Variants in PIK3CA observed in about 807,000 individuals in gnomAD.
PIK3CA encodes phosphatidylinositol-4,5-bisphosphate 3-kinase catalytic subunit alpha, also known as phosphatidylinositol 4,5-bisphosphate 3-kinase catalytic subunit alpha isoform.
A neutral mutation model predicts 138.2 loss-of-function variants in PIK3CA; 27 were observed. That is an observed-to-expected ratio of 0.20 (90% confidence interval 0.14 to 0.27). The LOEUF (loss-of-function observed/expected upper bound fraction) is 0.27, where lower values mean the gene tolerates loss of function less well. Ranked by LOEUF, PIK3CA falls within the 10% of genes least tolerant of loss-of-function variation. The pLI, the probability that PIK3CA is intolerant of heterozygous loss-of-function variation, is 1.00. For missense variants in PIK3CA, 544 were observed against 1,277.4 expected (o/e 0.43, Z 8.75); for synonymous variants, 358 against 413.2 (o/e 0.87, Z 1.62).
intron 4 of PIK3CA, among the ~76,000 whole-genome samples, chr3:179,203,281 G>A (rs980561807): frequency 4.6e-5 from 7 of 152,044 alleles, no homozygotes; most frequent in Admixed American, 3.3e-4. Context: ...TCCAGTTAAG[G>A]GTAGAACTAC....
Position 179,219,636 on chromosome 3 carries a change from T to C in PIK3CA, c.1812T>C (p.Cys604=). The C allele has an allele frequency of 6.2e-7, 1 of 1,605,878 alleles. No individual in the cohort carries two copies. The highest frequency in any genetic ancestry group is 8.5e-7 in the Non-Finnish European group (1 of 1,172,858). Residue 604 remains cysteine, a synonymous_variant, in exon 12 of 21, where the codon TGT becomes TGC. Coordinates refer to ENST00000263967, the MANE Select transcript of PIK3CA (RefSeq NM_006218.4). The surrounding 1 kb of genome is among the most constrained non-coding windows in gnomAD (Gnocchi z 4.2). ...KPEQAMELLD[C]NYPDPMVRGF... is the part of the protein sequence containing the mutation. ...AACAGGCTATGGAACTTCTGGACTG[T>C]AATTACCCAGATCCTATGGTTCGAG...
intron 9 of PIK3CA, among the ~76,000 whole-genome samples, 170 bp from the exon 10 acceptor site, chr3:179,218,040 T>A (rs1394613125): frequency 6.6e-6 from 1 of 152,088 alleles, no homozygotes; most frequent in Non-Finnish European, 1.5e-5. Context: ...ATTGGTTCTT[T>A]CCTGTCTCTG....
chr3:179,221,513 A>G (rs1172242673), intron 14 of PIK3CA, among the ~76,000 whole-genome samples: 1 of 152,108 alleles, frequency 6.6e-6, no homozygotes, highest in Admixed American at 6.6e-5. Flanking sequence ...AAGTATTTAC[A>G]GTGATTATTT....
chr3:179,228,436 A>G (rs116034933), intron 17 of PIK3CA, among the ~76,000 whole-genome samples: 2,727 of 152,172 alleles, frequency 0.018, 110 homozygotes, highest in South Asian at 0.13. Context: ...ACAGTTTTAG[A>G]TTACATTTTG....
At chr3:179,173,928 A>G (rs1011026578) in intron 1 of PIK3CA, among the ~76,000 whole-genome samples, 1 of 151,448 alleles carries the variant, frequency 6.6e-6, no homozygotes, top group African/African-American at 2.4e-5. Flanking sequence ...GGGTTTCGCT[A>G]TATTGGCCAG....
chr3:179,221,385 G>T (rs374918373), intron 14 of PIK3CA, among the ~76,000 whole-genome samples: 4 of 152,202 alleles, frequency 2.6e-5, no homozygotes, highest in South Asian at 4.1e-4. Context: ...TAAGGCCATT[G>T]TGAGAATTAA....
intron 1 of PIK3CA, chr3:179,169,156 ATACT>A (rs1723489684): frequency 6.6e-6 from 1 of 152,216 alleles, no homozygotes. Flanking sequence ...GTTTTTGGTC[ATACT>A]GTTAAGACCT....
At chr3:179,170,198 G>T (rs375023579) in intron 1 of PIK3CA, among the ~76,000 whole-genome samples, 1 of 152,094 alleles carries the variant, frequency 6.6e-6, no homozygotes, top group Non-Finnish European at 1.5e-5. Flanking sequence ...TGAAAGACTC[G>T]CATTGTCATT....
In PIK3CA at chr3:179,184,096, A is replaced by G. The variant is rs142005631; in HGVS notation, c.-76-14654A>G. On this transcript the variant is annotated intron_variant, in intron 1 of 20. Coordinates refer to ENST00000263967, the MANE Select transcript of PIK3CA (RefSeq NM_006218.4). ...CATTGCCCCTCCCTGTGCAAAATTG[A>G]TAGACACATTCAAGAAGTATTCCAT... Among the ~76,000 whole-genome samples, 18 of 152,326 alleles carry G rather than the reference A, an allele frequency of 1.2e-4. No individual in the cohort carries two copies. The East Asian group carries it at 3.5e-3, about 29-fold the overall frequency.
intron 9 of PIK3CA, among the ~76,000 whole-genome samples, chr3:179,216,819 CAAAT>C (rs990368184): frequency 2.0e-5 from 3 of 151,908 alleles, no homozygotes; most frequent in Non-Finnish European, 4.4e-5. Context: ...AAAATGTAAA[CAAAT>C]AAAAATAAGT....
At chr3:179,225,920 A>G (rs1725071157) in intron 16 of PIK3CA, 42 bp from the exon 17 acceptor site, 1 of 992,138 alleles carries the variant, frequency 1.0e-6, no homozygotes, top group Non-Finnish European at 1.6e-6. Context: ...CCAAATTTGC[A>G]TCTGTGGCAT....
intron 9 of PIK3CA, among the ~76,000 whole-genome samples, chr3:179,212,787 G>A (rs965709947): frequency 5.3e-5 from 8 of 152,094 alleles, no homozygotes; most frequent in Non-Finnish European, 1.0e-4. Flanking sequence ...GTACAGTACT[G>A]TAAATGAATT....
intron 1 of PIK3CA, among the ~76,000 whole-genome samples, chr3:179,164,693 ACC>A (rs1220176654): frequency 6.6e-6 from 1 of 151,910 alleles, no homozygotes; most frequent in Non-Finnish European, 1.5e-5. Flanking sequence ...ACATGGCAAA[ACC>A]CCGTCTCTAC....
At chr3:179,182,084 T>C (rs1723860810) in intron 1 of PIK3CA, among the ~76,000 whole-genome samples, 1 of 152,224 alleles carries the variant, frequency 6.6e-6, no homozygotes, top group Non-Finnish European at 1.5e-5. Flanking sequence ...AGTGACGGCT[T>C]AAAGTTTTAG....
rs573130513 is a variant in PIK3CA at position 179,203,191 on chromosome 3, C to T, written c.814-353C>T. On this transcript the variant is annotated intron_variant, in intron 4 of 20. Coordinates refer to ENST00000263967, the MANE Select transcript of PIK3CA (RefSeq NM_006218.4). Reference sequence around the variant, plus strand: ...TCCTGACCTCGTGATCCGCCCGCCTCGGCCTCCCAAAGTGCTGGGATTACA... The same window carrying T: ...TCCTGACCTCGTGATCCGCCCGCCTTGGCCTCCCAAAGTGCTGGGATTACA... 2.4e-3 allele frequency among the ~76,000 whole-genome samples: 361 copies of T among 152,090 alleles called. 2 individuals are homozygous for T. The highest frequency in any genetic ancestry group is 7.7e-3 in the African/African-American group (321 of 41,506).
At chr3:179,224,595 T>C in intron 15 of PIK3CA, 105 bp from the exon 16 acceptor site, 1 of 682,218 alleles carries the variant, frequency 1.5e-6, no homozygotes. Context: ...TGTAAATCTT[T>C]GTAACACTTC....
In PIK3CA at chr3:179,238,852, T is replaced by C. The variant is rs1408781145; in HGVS notation, c.*4488T>C. ...GTAAAGAAATATCAAGGTTCTAAAA[T>C]TCGGAAGAGTTTAGAATTTATTAGG... is the stretch of plus-strand genomic sequence containing the variant. On this transcript the variant is annotated 3_prime_UTR_variant, in exon 21 of 21. Transcript: ENST00000263967. 1 of 220,826 alleles carries C rather than the reference T, an allele frequency of 4.5e-6. No homozygotes were observed. The highest frequency in any genetic ancestry group is 9.1e-6 in the Non-Finnish European group (1 of 110,152). 13.7% of individuals were successfully genotyped at this position (220,826 alleles called of 1,614,324 possible).
intron 1 of PIK3CA, among the ~76,000 whole-genome samples, chr3:179,173,145 A>G (rs965108536): frequency 2.6e-5 from 4 of 151,998 alleles, no homozygotes; most frequent in African/African-American, 9.7e-5. Context: ...TTTGTATATT[A>G]TATGTTACCT....
chr3:179,184,148 T>C (rs1224170064), intron 1 of PIK3CA, among the ~76,000 whole-genome samples: 1 of 152,196 alleles, frequency 6.6e-6, no homozygotes, highest in East Asian at 1.9e-4. Flanking sequence ...TTTTATTTGA[T>C]TCACTTACCA....
Sources: gnomAD v4.1 joint callset for allele counts (sites outside exome capture counted in the v4.1 genomes callset) on GRCh38, gnomAD v4.1.1 for gene constraint, Gnocchi (gnomAD v3.1) non-coding constraint, MANE v1.5 for transcripts, NCBI Gene and HGNC (gene_info 2026-07-23, HGNC 2026-07-21) for gene names.